The following FAM184A variants were observed in gnomAD, a reference collection of about 807,000 sequenced individuals.
The protein encoded by FAM184A is protein FAM184A.
FAM184A carries 99 observed loss-of-function variants against 143.8 expected under a neutral mutation model. The observed-to-expected ratio is 0.69, with a 90% CI of 0.58 to 0.81. FAM184A has a LOEUF of 0.81. Ranked by LOEUF, FAM184A falls within the 40% of genes least tolerant of loss-of-function variation. FAM184A has a pLI of 0.00. For synonymous variants in FAM184A, 427 were observed against 446.4 expected, an observed-to-expected ratio of 0.96 and a Z score of 0.55; for missense variants, 1,217 against 1,310.5, an observed-to-expected ratio of 0.93 and a Z score of 1.10.
In FAM184A at chr6:118,980,257, G is replaced by A. The variant is rs184403302; in HGVS notation, c.2182C>T (p.Arg728Trp). ...LQAQFTQERQ[R>W]LTQELEELEE... is the part of the protein sequence containing the mutation. ...AATTCTTCAAGCTCTTGCGTAAGCCGCTGTCGTTCTTGCGTAAACTGGGCT... is the reference window on the plus strand; with the variant it reads ...AATTCTTCAAGCTCTTGCGTAAGCCACTGTCGTTCTTGCGTAAACTGGGCT... Residue 728 changes from arginine to tryptophan, a missense_variant, in exon 10 of 18, where the codon CGG becomes TGG. Coordinates refer to ENST00000338891, the MANE Select transcript of FAM184A (RefSeq NM_024581.6). The A allele has an allele frequency of 1.9e-5, 30 of 1,614,048 alleles. No individual in the cohort carries two copies. Among genetic ancestry groups the A allele is most frequent in the East Asian group, 1.6e-4 (7 of 44,876 alleles).
rs1783831626 is a variant in FAM184A, at chr6:118,975,973, C to G, written c.2527G>C (p.Glu843Gln). 1 of 1,613,540 alleles carries G rather than the reference C, an allele frequency of 6.2e-7. No homozygotes were observed. The highest frequency in any genetic ancestry group is 2.2e-5 in the East Asian group (1 of 44,848). ...AATTCCATTTTAGCAGCTGCCAATTCTTGATGATGATTATGCCGTAACAAA... is the reference window on the plus strand; with the variant it reads ...AATTCCATTTTAGCAGCTGCCAATTGTTGATGATGATTATGCCGTAACAAA... ...IDLLRHNHHQ[E>Q]LAAAKMELER... is the part of the protein sequence containing the mutation. Residue 843 changes from glutamate to glutamine, a missense_variant, in exon 12 of 18, where the codon GAA (glutamate) becomes CAA (glutamine). Transcript: ENST00000338891.
chr6:119,091,943 G>T (rs1582608249), intron 1 of FAM184A, among the ~76,000 whole-genome samples: 1 of 152,244 alleles, frequency 6.6e-6, no homozygotes, highest in Middle Eastern at 3.4e-3. Context: ...TATGTTGATG[G>T]GTCCATTGCA....
intron 3 of FAM184A, among the ~76,000 whole-genome samples, chr6:119,021,738 G>C (rs1785453518): frequency 6.6e-6 from 1 of 152,114 alleles, no homozygotes; most frequent in South Asian, 2.1e-4. Context: ...CACTTTGGGA[G>C]GCCAAGGTGG....
intron 1 of FAM184A, among the ~76,000 whole-genome samples, chr6:119,028,669 T>TA (rs1785756907): frequency 6.6e-6 from 1 of 152,174 alleles, no homozygotes; most frequent in Admixed American, 6.6e-5. Flanking sequence ...TCCCTCTAAC[T>TA]AACTTCTTCT....
chr6:119,072,392 G>A (rs186204844), intron 1 of FAM184A, among the ~76,000 whole-genome samples: 93 of 152,310 alleles, frequency 6.1e-4, no homozygotes, highest in African/African-American at 2.2e-3. Context: ...GCATGTACTA[G>A]TGCTAAGGTG....
chr6:119,046,411 G>T (rs1208875170), intron 1 of FAM184A, among the ~76,000 whole-genome samples: 1 of 151,924 alleles, frequency 6.6e-6, no homozygotes, highest in Non-Finnish European at 1.5e-5. Flanking sequence ...TTTTAGTAGA[G>T]ACAGGGTTTC....
chr6:119,072,440 C>T (rs1582586957), intron 1 of FAM184A, among the ~76,000 whole-genome samples: 1 of 152,170 alleles, frequency 6.6e-6, no homozygotes, highest in African/African-American at 2.4e-5. Flanking sequence ...AGGCCACTTA[C>T]CATTCTTGTT....
intron 1 of FAM184A, among the ~76,000 whole-genome samples, chr6:119,094,912 G>A (rs1788467207): frequency 1.3e-5 from 2 of 152,156 alleles, no homozygotes; most frequent in African/African-American, 4.8e-5. Flanking sequence ...TTTATCCCCT[G>A]GCACCACTGG....
chr6:119,111,035 C>CATAA (rs1788917460), intron 1 of FAM184A, among the ~76,000 whole-genome samples: 1 of 152,104 alleles, frequency 6.6e-6, no homozygotes, highest in African/African-American at 2.4e-5. Context: ...TTGCTGCAGC[C>CATAA]TTATGCTTAC....
chr6:119,088,586 C>A (rs1194525282), intron 1 of FAM184A, among the ~76,000 whole-genome samples: 1 of 152,124 alleles, frequency 6.6e-6, no homozygotes, highest in Non-Finnish European at 1.5e-5. Flanking sequence ...TACAAAAGCA[C>A]CTGTACTAAA....
chr6:118,961,626 A>AT (rs1562451622), intron 17 of FAM184A, 135 bp downstream of exon 17: 26 of 785,164 alleles, frequency 3.3e-5, no homozygotes, highest in Non-Finnish European at 5.0e-5. Context: ...GAGAGGGGAT[A>AT]AATATACTTT....
intron 1 of FAM184A, among the ~76,000 whole-genome samples, chr6:119,038,109 G>A (rs1786179196): frequency 6.6e-6 from 1 of 152,112 alleles, no homozygotes; most frequent in Admixed American, 6.5e-5. Context: ...GCTGATAACA[G>A]GAGGTTGTTT....
intron 1 of FAM184A, among the ~76,000 whole-genome samples, chr6:119,142,885 G>A (rs1441944311): frequency 6.6e-6 from 1 of 152,106 alleles, no homozygotes; most frequent in Admixed American, 6.5e-5. Flanking sequence ...GATAAAATGA[G>A]GGAAATTTAG....
chr6:119,022,954 G>C lies in FAM184A; in HGVS notation c.1141C>G (p.Leu381Val). 1 of 1,614,136 alleles carries C rather than the reference G, an allele frequency of 6.2e-7. No homozygotes were observed. The highest frequency in any genetic ancestry group is 8.5e-7 in the Non-Finnish European group (1 of 1,180,008). The change falls in exon 3 of 18, where the codon CTC becomes GTC. Residue 381 changes from leucine (L) to valine (V), a missense_variant. Physicochemically the swap from Leu to Val is conservative, Grantham distance 32. Coordinates refer to ENST00000338891, the MANE Select transcript of FAM184A (RefSeq NM_024581.6). ...CTGTGGTCACACATACTAGCTTTGA[G>C]GACAAGATCTGAAGCTTGCTGTTGT... ...RLQQQASDLV[L>V]KASHIGMLQA...
intron 14 of FAM184A, among the ~76,000 whole-genome samples, chr6:118,969,334 T>A (rs749684526): frequency 3.9e-5 from 6 of 152,188 alleles, no homozygotes; most frequent in Non-Finnish European, 7.3e-5. Context: ...ATCAAAAATG[T>A]TTAATAAGAA....
chr6:119,142,591 C>T (rs187996220), intron 1 of FAM184A, among the ~76,000 whole-genome samples: 175 of 152,282 alleles, frequency 1.1e-3, no homozygotes, highest in African/African-American at 4.0e-3. Context: ...GGGAGAAGGA[C>T]GTTCTTGCAT....
chr6:119,138,769 A>G (rs568254458), intron 1 of FAM184A, among the ~76,000 whole-genome samples: 14 of 152,178 alleles, frequency 9.2e-5, no homozygotes, highest in South Asian at 2.1e-4. Context: ...TGGGATTTAC[A>G]GGCATGTGCC....
intron 1 of FAM184A, among the ~76,000 whole-genome samples, chr6:119,039,884 A>G (rs1786256488): frequency 6.6e-6 from 1 of 152,236 alleles, no homozygotes; most frequent in South Asian, 2.1e-4. Context: ...CAAAAATGGC[A>G]AAGTATCTTC....
chr6:119,144,191 G>A (rs1478840471), intron 1 of FAM184A, among the ~76,000 whole-genome samples: 5 of 148,624 alleles, frequency 3.4e-5, no homozygotes, highest in South Asian at 2.1e-4. Flanking sequence ...AAAATTAGCC[G>A]GGTGTGGTGG....
Sources: allele counts gnomAD v4.1 joint callset (sites outside exome capture counted in the v4.1 genomes callset), GRCh38; gene constraint gnomAD v4.1.1; transcripts MANE v1.5; gene names NCBI Gene and HGNC (gene_info 2026-07-23, HGNC 2026-07-21).